Variants in HVCN1 observed in about 807,000 individuals in gnomAD.
HVCN1 encodes hydrogen voltage gated channel 1.
Under a neutral mutation model 29.2 loss-of-function variants are expected in HVCN1, and 14 were observed. The ratio of observed to expected loss-of-function variants is 0.48; its 90% CI spans 0.32 to 0.75. The LOEUF (loss-of-function observed/expected upper bound fraction) is 0.75, where lower values mean the gene tolerates loss of function less well. Ranked by LOEUF, HVCN1 falls within the 30% of genes least tolerant of loss-of-function variation. The pLI, the probability that HVCN1 is intolerant of heterozygous loss-of-function variation, is 0.04. For missense variants in HVCN1, 263 were observed against 341.8 expected, an observed-to-expected ratio of 0.77 and a Z score of 1.82; for synonymous variants, 131 against 133.2, an observed-to-expected ratio of 0.98 and a Z score of 0.11.
At chr12:110,672,222 G>A (rs117988169) in intron 3 of HVCN1, among the ~76,000 whole-genome samples, 29 of 152,098 alleles carry the variant, frequency 1.9e-4, no homozygotes, top group African/African-American at 6.8e-4. Flanking sequence ...CAATCCTCCC[G>A]CCTCAGCCTC....
At chr12:110,678,946 A>G (rs1266715712) in intron 3 of HVCN1, among the ~76,000 whole-genome samples, 1 of 152,166 alleles carries the variant, frequency 6.6e-6, no homozygotes, top group Non-Finnish European at 1.5e-5. Flanking sequence ...TATTTGTTTT[A>G]CAAAAGTGTA....
Position 110,649,473 on chromosome 12 carries a change from T to C in HVCN1, c.759A>G (p.Glu253=). The part of the protein sequence containing the change: ...QHLEFSCSEK[E]QEIERLNKLL... Reference sequence around the variant, plus strand: ...GTTTGTTAAGTCTTTCAATTTCTTGTTCCTATTGCAAAAGCAGACAAACAC... The same window carrying C: ...GTTTGTTAAGTCTTTCAATTTCTTGCTCCTATTGCAAAAGCAGACAAACAC... The change falls in exon 8 of 8, where the codon GAA becomes GAG. Residue 253 remains glutamate (E), a splice_region_variant and synonymous_variant. Coordinates refer to ENST00000242607, the MANE Select transcript of HVCN1 (RefSeq NM_032369.4). 1 of 1,600,868 alleles carries C rather than the reference T, an allele frequency of 6.2e-7. No homozygotes were observed. Among genetic ancestry groups the C allele is most frequent in the Non-Finnish European group, 8.5e-7 (1 of 1,171,024 alleles).
At chr12:110,679,779 G>T (rs376836458) in intron 3 of HVCN1, among the ~76,000 whole-genome samples, 140 of 152,188 alleles carry the variant, frequency 9.2e-4, no homozygotes, top group African/African-American at 3.2e-3. Flanking sequence ...CGTGAACCCG[G>T]GAAGCGGAGC....
chr12:110,682,538 C>T (rs1377484124), intron 3 of HVCN1: 1 of 152,320 alleles, frequency 6.6e-6, no homozygotes, highest in Non-Finnish European at 1.5e-5. Context: ...GTGTGATCTT[C>T]AGAAGTGACT....
chr12:110,653,340 G>A (rs1374596994), intron 5 of HVCN1, among the ~76,000 whole-genome samples: 1 of 151,166 alleles, frequency 6.6e-6, no homozygotes, highest in African/African-American at 2.4e-5. Flanking sequence ...CATGTCTGTG[G>A]TTCTAGCTAC....
At chr12:110,703,865 A>G (rs1470513251) in intron 1 of HVCN1, among the ~76,000 whole-genome samples, 1 of 152,058 alleles carries the variant, frequency 6.6e-6, no homozygotes, top group African/African-American at 2.4e-5. Flanking sequence ...TTGTATTTTT[A>G]GTAGAGATGG....
At chr12:110,691,177 C>A (rs1445800215), upstream of HVCN1, among the ~76,000 whole-genome samples, 1 of 152,128 alleles carries the variant, frequency 6.6e-6, no homozygotes, top group Non-Finnish European at 1.5e-5. Context: ...ATTCTCCTGC[C>A]CCAGCCTCCT....
At chr12:110,701,217 C>T (rs894866083) in intron 2 of HVCN1, among the ~76,000 whole-genome samples, 1 of 152,188 alleles carries the variant, frequency 6.6e-6, no homozygotes, top group Non-Finnish European at 1.5e-5. Flanking sequence ...ACCTGAAGAG[C>T]GCTGACTAAT....
Position 110,649,485 on chromosome 12 carries a change from A to T in HVCN1, c.757-10T>A, listed in dbSNP as rs1246311908. ...TTTCAATTTCTTGTTCCTATTGCAA[A>T]AGCAGACAAACACTGGAATTTACTT... is the stretch of plus-strand genomic sequence containing the variant. On this transcript the variant is annotated splice_polypyrimidine_tract_variant and intron_variant, in intron 7 of 7. Transcript: ENST00000242607. 1 of 1,592,950 alleles carries T rather than the reference A, an allele frequency of 6.3e-7. No individual in the cohort carries two copies. The highest frequency in any genetic ancestry group is 2.2e-5 in the East Asian group (1 of 44,478).
At chr12:110,684,601 T>G (rs2069111739) in intron 2 of HVCN1, among the ~76,000 whole-genome samples, 2 of 152,302 alleles carry the variant, frequency 1.3e-5, no homozygotes, top group Admixed American at 6.5e-5. Flanking sequence ...ACAGATGCTT[T>G]TTTTTGGTCC....
Position 110,649,342 on chromosome 12 carries a change from G to A in HVCN1, c.*68C>T. On this transcript the variant is annotated 3_prime_UTR_variant, in exon 8 of 8. Coordinates refer to ENST00000242607, the MANE Select transcript of HVCN1 (RefSeq NM_032369.4). Reference sequence around the variant, plus strand: ...CTCACCAAGCGGCCCAGGAGGGGCAGCTGTTCCTCTCGTGACAGCACAGGC... The same window carrying A: ...CTCACCAAGCGGCCCAGGAGGGGCAACTGTTCCTCTCGTGACAGCACAGGC... The A allele has an allele frequency of 3.8e-6, 5 of 1,313,788 alleles. No homozygotes were observed. In the South Asian group the frequency reaches 6.1e-5, roughly 16 times the overall value. The allele number at this position is 1,313,788 out of a possible 1,614,324, so 81.4% of individuals were successfully genotyped here.
chr12:110,683,094 A>G, intron 3 of HVCN1, 131 bp downstream of exon 3: 1 of 1,231,706 alleles, frequency 8.1e-7, no homozygotes. Flanking sequence ...CATCATTTTG[A>G]TTTTAAATAT....
intron 5 of HVCN1, 62 bp from the exon 6 acceptor site, chr12:110,651,510 C>T: frequency 9.6e-7 from 1 of 1,042,042 alleles, no homozygotes. Context: ...AAGCTGCCCT[C>T]ACATGCACCT....
intron 4 of HVCN1, among the ~76,000 whole-genome samples, chr12:110,660,442 T>G (rs2068131006): frequency 6.6e-6 from 1 of 152,252 alleles, no homozygotes; most frequent in African/African-American, 2.4e-5. Context: ...CAAGAGAGAC[T>G]GAGGCCCCCA....
At chr12:110,689,643 G>A (rs1320316583), upstream of HVCN1, 3 of 152,436 alleles carry the variant, frequency 2.0e-5, no homozygotes, top group Non-Finnish European at 4.4e-5. The surrounding 1 kb of genome is among the most constrained non-coding windows in gnomAD (Gnocchi z 5.7). Flanking sequence ...TGACGAATGA[G>A]CAACCTCTCA....
intron 3 of HVCN1, among the ~76,000 whole-genome samples, chr12:110,675,509 G>T (rs2068722245): frequency 6.6e-6 from 1 of 152,244 alleles, no homozygotes; most frequent in East Asian, 1.9e-4. Context: ...AAGTGATAAA[G>T]CCAGCACAGG....
At chr12:110,683,404 G>T in intron 2 of HVCN1, 140 bp from the exon 3 acceptor site, 1 of 974,816 alleles carries the variant, frequency 1.0e-6, no homozygotes. Context: ...AAAGTACAAA[G>T]TATATGTAGG....
rs2067652038 is a variant in HVCN1, at chr12:110,649,063, C to T, written c.*347G>A. ...TTCAGAATGCTCAGATGCATCAGTTCCTTAATATACACGTGAAATTTGAAA... is the reference window on the plus strand; with the variant it reads ...TTCAGAATGCTCAGATGCATCAGTTTCTTAATATACACGTGAAATTTGAAA... On this transcript the variant is annotated 3_prime_UTR_variant, in exon 8 of 8. Coordinates refer to ENST00000242607, the MANE Select transcript of HVCN1 (RefSeq NM_032369.4). The T allele has an allele frequency of 1.8e-6, 1 of 551,946 alleles. No homozygotes were observed. The highest frequency in any genetic ancestry group is 2.2e-5 in the Admixed American group (1 of 44,942). The allele number at this position is 551,946 out of a possible 1,614,324, so 34.2% of individuals were successfully genotyped here. A position where few individuals can be genotyped will look rare whatever the true frequency, so the allele number is the denominator to read the frequency against.
rs2068604021 is a variant in HVCN1 at position 110,672,294 on chromosome 12, A to G, written c.22-10846T>C. On this transcript the variant is annotated intron_variant, in intron 3 of 7. Transcript: ENST00000242607. ...CTACCTTGGTTTCTATCAACATTTA[A>G]AATGTCCTTATTGCTTGACTTTACA... Among the ~76,000 whole-genome samples the G allele has an allele frequency of 3.9e-5, 6 of 152,264 alleles. No homozygotes were observed. The South Asian group carries it at 1.2e-3, about 32-fold the overall frequency.
Sources: gnomAD v4.1 joint callset for allele counts (sites outside exome capture counted in the v4.1 genomes callset) on GRCh38, gnomAD v4.1.1 for gene constraint, Gnocchi (gnomAD v3.1) non-coding constraint, MANE v1.5 for transcripts, NCBI Gene and HGNC (gene_info 2026-07-23, HGNC 2026-07-21) for gene names.